The following HDAC9 variants were observed in gnomAD, a reference collection of about 807,000 sequenced individuals.
HDAC9 encodes the protein MEF-2 interacting transcription repressor (MITR) protein.
In HDAC9, 41 loss-of-function variants were observed where a neutral mutation model predicts 139.4. That is an observed-to-expected ratio of 0.29 (90% CI 0.23 to 0.38). The LOEUF is 0.38. Among genes scored for constraint, HDAC9 ranks in the 10% least tolerant of loss-of-function variants. The pLI is 1.00. For missense variants in HDAC9, 1,147 were observed against 1,297.0 expected, an observed-to-expected ratio of 0.88 and a Z score of 1.78; for synonymous variants, 517 against 476.2, an observed-to-expected ratio of 1.09 and a Z score of -1.12.
chr7:18,772,173 G>T (rs1044558337), intron 16 of HDAC9, among the ~76,000 whole-genome samples: 2 of 152,112 alleles, frequency 1.3e-5, no homozygotes, highest in Non-Finnish European at 2.9e-5. Context: ...TTTTCAAGAA[G>T]AATTAGCAAT....
At chr7:18,553,667 C>G (rs1027748573) in intron 2 of HDAC9, among the ~76,000 whole-genome samples, 1 of 152,184 alleles carries the variant, frequency 6.6e-6, no homozygotes, top group Non-Finnish European at 1.5e-5. Context: ...TTGAATGTCT[C>G]TGGGAATTTT....
At chr7:18,229,867 G>A (rs1793332539) in intron 2 of HDAC9, among the ~76,000 whole-genome samples, 1 of 152,098 alleles carries the variant, frequency 6.6e-6, no homozygotes, top group Admixed American at 6.5e-5. Context: ...CTGGGTCATT[G>A]ATTTTAAACC....
intron 1 of HDAC9, among the ~76,000 whole-genome samples, chr7:18,126,590 T>C (rs1274065159): frequency 6.6e-6 from 1 of 152,212 alleles, no homozygotes; most frequent in Non-Finnish European, 1.5e-5. Context: ...TCTATATTGG[T>C]GAGCTCTCTC....
intron 13 of HDAC9, among the ~76,000 whole-genome samples, chr7:18,743,026 A>G (rs774247115): frequency 6.6e-6 from 1 of 152,250 alleles, no homozygotes; most frequent in Non-Finnish European, 1.5e-5. Flanking sequence ...TGAACGAAGC[A>G]GTATGAATGA....
At chr7:18,421,974 T>C (rs1006985033) in intron 1 of HDAC9, among the ~76,000 whole-genome samples, 1 of 152,178 alleles carries the variant, frequency 6.6e-6, no homozygotes, top group Admixed American at 6.5e-5. Flanking sequence ...GTGACTGCCA[T>C]TGTGTGTCTG....
intron 16 of HDAC9, among the ~76,000 whole-genome samples, chr7:18,776,908 A>G (rs77750933): frequency 2.0e-5 from 3 of 152,050 alleles, no homozygotes; most frequent in East Asian, 3.9e-4. Flanking sequence ...ACTGTTAAAG[A>G]TCTGTGTGTC....
chr7:18,348,510 T>A (rs1254506810), intron 1 of HDAC9, among the ~76,000 whole-genome samples: 5 of 152,160 alleles, frequency 3.3e-5, no homozygotes, highest in African/African-American at 1.2e-4. Flanking sequence ...ACCACTGTTT[T>A]TAGGCATCTA....
intron 25 of HDAC9, among the ~76,000 whole-genome samples, chr7:18,980,736 CTTCTTCTTCCTTCTTCTTCTTCCTT>C (rs1563103245): frequency 7.7e-6 from 1 of 130,094 alleles, no homozygotes; most frequent in Non-Finnish European, 1.6e-5. Flanking sequence ...CCTTCTTCTT[CTTCTTCTTCCTTCTTCTTCTTCCTT>C]CTTCTTCTTC....
chr7:18,747,227 G>A lies in HDAC9; in HGVS notation c.1910-1778G>A, dbSNP rs151188076. Among the ~76,000 whole-genome samples the A allele has an allele frequency of 2.0e-5, 3 of 152,292 alleles. No homozygotes were observed. The South Asian group carries it at 6.2e-4, about 32-fold the overall frequency. ...GCCTGGAGGAATTTCAGTCTCTTTAGTGAAGGCCCTGAAGGATTTAAACAG... is the reference window on the plus strand; with the variant it reads ...GCCTGGAGGAATTTCAGTCTCTTTAATGAAGGCCCTGAAGGATTTAAACAG... On this transcript the variant is annotated intron_variant, in intron 13 of 25. Coordinates refer to ENST00000686413, the MANE Select transcript of HDAC9 (RefSeq NM_178425.4).
At chr7:18,667,748 C>A (rs1795231503) in intron 12 of HDAC9, 1 of 984,188 alleles carries the variant, frequency 1.0e-6, no homozygotes, top group Non-Finnish European at 1.2e-6. Context: ...TTAAAGGGCA[C>A]TCTATGAATT....
At chr7:18,907,690 G>T (rs930136613) in intron 22 of HDAC9, among the ~76,000 whole-genome samples, 18 of 152,166 alleles carry the variant, frequency 1.2e-4, no homozygotes, top group African/African-American at 3.1e-4. Context: ...TGCACAATCA[G>T]ATAATTCTGG....
chr7:18,752,821 C>T (rs943549632), intron 14 of HDAC9, among the ~76,000 whole-genome samples: 12 of 152,230 alleles, frequency 7.9e-5, no homozygotes, highest in African/African-American at 2.2e-4. Flanking sequence ...TCTCCCACCA[C>T]GTCTGTGTAG....
At chr7:18,960,228 T>C (rs540357098) in intron 24 of HDAC9, among the ~76,000 whole-genome samples, 2 of 152,106 alleles carry the variant, frequency 1.3e-5, no homozygotes, top group Non-Finnish European at 2.9e-5. Flanking sequence ...GAGCACACTC[T>C]CACACATTCT....
intron 1 of HDAC9, among the ~76,000 whole-genome samples, chr7:18,148,282 A>G (rs1786498067): frequency 6.6e-6 from 1 of 152,196 alleles, no homozygotes; most frequent in African/African-American, 2.4e-5. Context: ...CCTGTAGGGA[A>G]GAATCCATTT....
intron 1 of HDAC9, among the ~76,000 whole-genome samples, chr7:18,302,018 A>G (rs74680360): frequency 0.087 from 13,192 of 152,274 alleles, 767 homozygotes; most frequent in East Asian, 0.25. Flanking sequence ...TTTTGAAGTC[A>G]TATGTGTGGT....
At chr7:18,421,531 G>A (rs1789618157) in intron 1 of HDAC9, among the ~76,000 whole-genome samples, 1 of 152,038 alleles carries the variant, frequency 6.6e-6, no homozygotes, top group Non-Finnish European at 1.5e-5. Flanking sequence ...GAATAAAACA[G>A]AAAGAACACA....
At chr7:18,771,535 ATATG>A (rs991434470) in intron 16 of HDAC9, among the ~76,000 whole-genome samples, 30 of 144,560 alleles carry the variant, frequency 2.1e-4, no homozygotes, top group African/African-American at 6.9e-4. Flanking sequence ...AAATTTACAG[ATATG>A]TGTGTGTGTG....
At chr7:18,534,167 A>C (rs1322151048) in intron 2 of HDAC9, among the ~76,000 whole-genome samples, 1 of 152,168 alleles carries the variant, frequency 6.6e-6, no homozygotes, top group Non-Finnish European at 1.5e-5. Flanking sequence ...TTTGTGTGGC[A>C]ATTGTAGCAT....
At chr7:18,576,941 GAA>G (rs1826156830) in intron 2 of HDAC9, among the ~76,000 whole-genome samples, 1 of 152,092 alleles carries the variant, frequency 6.6e-6, no homozygotes, top group South Asian at 2.1e-4. Flanking sequence ...CAGTGAGAGA[GAA>G]AAAGAGAGAG....
Sources: allele counts gnomAD v4.1 joint callset (sites outside exome capture counted in the v4.1 genomes callset), GRCh38; gene constraint gnomAD v4.1.1; transcripts MANE v1.5; gene names NCBI Gene and HGNC (gene_info 2026-07-23, HGNC 2026-07-21).